NELL1: variants seen among roughly 807,000 people sequenced by gnomAD.
NELL1 encodes the protein neural EGFL like 1.
Under a neutral mutation model 107.4 loss-of-function variants are expected in NELL1, and 76 were observed. The ratio of observed to expected loss-of-function variants is 0.71; its 90% CI spans 0.59 to 0.86. The LOEUF is 0.86. Ranked by LOEUF, NELL1 falls within the 40% of genes least tolerant of loss-of-function variation. The pLI, the probability that NELL1 is intolerant of heterozygous loss-of-function variation, is 0.00. For missense variants in NELL1, 1,024 were observed against 1,005.5 expected (o/e 1.02, Z -0.25); for synonymous variants, 353 against 341.2 (o/e 1.03, Z -0.38).
intron 14 of NELL1, among the ~76,000 whole-genome samples, chr11:21,309,614 T>C (rs1421389156): frequency 6.6e-6 from 1 of 151,960 alleles, no homozygotes; most frequent in Non-Finnish European, 1.5e-5. Flanking sequence ...ATGCTACTGA[T>C]AAAGACATAC....
chr11:21,436,690 TCTTG>T (rs1483536657), intron 15 of NELL1, among the ~76,000 whole-genome samples: 16 of 152,164 alleles, frequency 1.1e-4, no homozygotes, highest in African/African-American at 3.9e-4. Context: ...TCAGATTTGT[TCTTG>T]CTTTTCTGGT....
intron 14 of NELL1, among the ~76,000 whole-genome samples, chr11:21,352,550 A>G (rs771267340): frequency 2.0e-5 from 3 of 152,134 alleles, no homozygotes; most frequent in Non-Finnish European, 2.9e-5. Flanking sequence ...ATTACTTAAA[A>G]CAGATTACAA....
intron 14 of NELL1, among the ~76,000 whole-genome samples, chr11:21,282,125 A>G (rs1461587295): frequency 6.6e-6 from 1 of 152,186 alleles, no homozygotes; most frequent in Non-Finnish European, 1.5e-5. Context: ...ACCAGAATAT[A>G]TAAGGATCTC....
chr11:20,927,585 C>A (rs1478813428), intron 8 of NELL1, 143 bp downstream of exon 8: 1 of 697,628 alleles, frequency 1.4e-6, no homozygotes. Flanking sequence ...GCCATACGAG[C>A]AATTGTGAAG....
At chr11:21,010,608 G>T (rs187177400) in intron 12 of NELL1, among the ~76,000 whole-genome samples, 37 of 152,146 alleles carry the variant, frequency 2.4e-4, no homozygotes, top group Admixed American at 1.0e-3. Context: ...GGTAATACTC[G>T]CTGTCTAGAA....
intron 16 of NELL1, among the ~76,000 whole-genome samples, chr11:21,559,210 AG>A (rs1280083289): frequency 1.3e-5 from 2 of 152,156 alleles, no homozygotes; most frequent in Non-Finnish European, 2.9e-5. Context: ...ACCAAAACCA[AG>A]TAGACTAGTA....
chr11:20,768,812 G>C (rs747765396), intron 2 of NELL1, among the ~76,000 whole-genome samples: 2 of 152,142 alleles, frequency 1.3e-5, no homozygotes, highest in African/African-American at 2.4e-5. Flanking sequence ...AGCTTCCAGA[G>C]GGAGTATGGC....
rs544047154 is a variant in NELL1, at chr11:21,552,200, A to T, written c.1787-7989A>T. Among the ~76,000 whole-genome samples the T allele has an allele frequency of 1.1e-3, 158 of 150,174 alleles. 1 individual carries two copies. Among genetic ancestry groups the T allele is most frequent in the Non-Finnish European group, 1.5e-3 (102 of 67,318 alleles). Reference sequence around the variant, plus strand: ...ATACCTAATGCTAAATGACGAGTTAATGGGTACAGCACACCAGCATTGCAC... The same window carrying T: ...ATACCTAATGCTAAATGACGAGTTATTGGGTACAGCACACCAGCATTGCAC... On this transcript the variant is annotated intron_variant, in intron 16 of 19. Coordinates refer to ENST00000357134, the MANE Select transcript of NELL1 (RefSeq NM_006157.5).
chr11:20,991,990 GCAA>G (rs1851985482), intron 12 of NELL1, among the ~76,000 whole-genome samples: 3 of 66,228 alleles, frequency 4.5e-5, no homozygotes, highest in Admixed American at 2.5e-4. Context: ...AGTGTAGCAT[GCAA>G]AAAAAAAAAA....
chr11:20,706,588 T>A (rs1178192018), intron 2 of NELL1, among the ~76,000 whole-genome samples: 2 of 151,484 alleles, frequency 1.3e-5, no homozygotes, highest in African/African-American at 4.9e-5. Context: ...AGTTAGTGGG[T>A]GCAGCACACC....
chr11:20,865,160 GA>G (rs1310539486), intron 4 of NELL1, among the ~76,000 whole-genome samples: 3 of 152,158 alleles, frequency 2.0e-5, no homozygotes, highest in Non-Finnish European at 4.4e-5. Context: ...TCACTTGTAG[GA>G]GCTCTGAAAT....
chr11:21,075,335 A>C (rs1371046701), intron 12 of NELL1, among the ~76,000 whole-genome samples: 1 of 152,188 alleles, frequency 6.6e-6, no homozygotes, highest in African/African-American at 2.4e-5. Flanking sequence ...GTTGATAAGA[A>C]GTACATATAT....
intron 3 of NELL1, among the ~76,000 whole-genome samples, chr11:20,788,833 T>C (rs1024024760): frequency 2.6e-5 from 4 of 152,180 alleles, no homozygotes; most frequent in African/African-American, 9.6e-5. Flanking sequence ...CTTAGATATA[T>C]TTTGAGTTAC....
chr11:20,864,001 G>A (rs988341479), intron 4 of NELL1, among the ~76,000 whole-genome samples: 1 of 152,086 alleles, frequency 6.6e-6, no homozygotes, highest in Non-Finnish European at 1.5e-5. Flanking sequence ...GCAGGCACTC[G>A]GCAGGCTGAG....
chr11:21,276,537 GA>G (rs1339321243), intron 14 of NELL1, among the ~76,000 whole-genome samples: 1 of 151,942 alleles, frequency 6.6e-6, no homozygotes. Flanking sequence ...CACAGAATTG[GA>G]AAAAACTACT....
chr11:20,761,968 T>C (rs536911451), intron 2 of NELL1, among the ~76,000 whole-genome samples: 1 of 152,356 alleles, frequency 6.6e-6, no homozygotes, highest in Admixed American at 6.5e-5. Context: ...AAAAGGAAAC[T>C]TCTCGGGAGA....
chr11:20,932,094 G>A (rs1223166742), intron 9 of NELL1, among the ~76,000 whole-genome samples: 1 of 152,094 alleles, frequency 6.6e-6, no homozygotes, highest in African/African-American at 2.4e-5. Flanking sequence ...TAGTGAGGGA[G>A]TTTCATTCCT....
At chr11:20,906,714 A>G (rs1373298279) in intron 5 of NELL1, among the ~76,000 whole-genome samples, 2 of 152,098 alleles carry the variant, frequency 1.3e-5, no homozygotes, top group African/African-American at 2.4e-5. Flanking sequence ...ATTATATGCC[A>G]CATTAATAGA....
At chr11:20,739,006 G>A (rs944644562) in intron 2 of NELL1, among the ~76,000 whole-genome samples, 3 of 152,260 alleles carry the variant, frequency 2.0e-5, no homozygotes, top group South Asian at 2.1e-4. Flanking sequence ...TATAATTGCC[G>A]CAAGCTACAT....
Sources: gnomAD v4.1 joint callset for allele counts (sites outside exome capture counted in the v4.1 genomes callset) on GRCh38, gnomAD v4.1.1 for gene constraint, MANE v1.5 for transcripts, NCBI Gene and HGNC (gene_info 2026-07-23, HGNC 2026-07-21) for gene names.